Variants in CORO2A observed in about 807,000 individuals in gnomAD.
CORO2A encodes the protein coronin 2A.
CORO2A carries 47 observed loss-of-function variants against 62.4 expected under a neutral mutation model. That is an observed-to-expected ratio of 0.75 (90% CI 0.60 to 0.96). The LOEUF (loss-of-function observed/expected upper bound fraction) is 0.96. Ranked by LOEUF, CORO2A falls within the 40% of genes least tolerant of loss-of-function variation. CORO2A has a pLI of 0.00. For missense variants in CORO2A, 610 were observed against 684.1 expected (o/e 0.89, Z 1.21); for synonymous variants, 273 against 268.9 (o/e 1.02, Z -0.15).
intron 4 of CORO2A, 109 bp from the exon 5 acceptor site, chr9:98,133,326 G>A (rs1258529226): frequency 1.3e-5 from 14 of 1,084,074 alleles, no homozygotes; most frequent in East Asian, 7.5e-5. Flanking sequence ...GGAGGGTGGC[G>A]CAGCTGGCAG....
intron 1 of CORO2A, among the ~76,000 whole-genome samples, chr9:98,190,629 C>A (rs537059614): frequency 6.6e-6 from 1 of 152,242 alleles, no homozygotes; most frequent in South Asian, 2.1e-4. Context: ...CTCAGACATT[C>A]CATGATTCCA....
intron 1 of CORO2A, among the ~76,000 whole-genome samples, chr9:98,168,028 G>A (rs1386662941): frequency 6.6e-6 from 1 of 152,228 alleles, no homozygotes; most frequent in Non-Finnish European, 1.5e-5. Context: ...CCAGGCCCCG[G>A]AGCTTGACTG....
At chr9:98,137,894 G>A (rs1025752993) in intron 2 of CORO2A, among the ~76,000 whole-genome samples, 2 of 152,196 alleles carry the variant, frequency 1.3e-5, no homozygotes, top group African/African-American at 4.8e-5. Flanking sequence ...CAGTAAAAGG[G>A]AGCAATCACA....
intron 4 of CORO2A, among the ~76,000 whole-genome samples, chr9:98,134,598 G>A (rs1284799043): frequency 6.6e-6 from 1 of 152,172 alleles, no homozygotes; most frequent in Non-Finnish European, 1.5e-5. Flanking sequence ...CTGGAGTGAC[G>A]CAGCTATAGC....
chr9:98,123,037 G>C lies in CORO2A; in HGVS notation c.*1737C>G, dbSNP rs189562304. On this transcript the variant is annotated 3_prime_UTR_variant, in exon 12 of 12. Coordinates refer to ENST00000375077, the MANE Select transcript of CORO2A (RefSeq NM_052820.4). ...CACAGGTAGTTTTCTCTTAGGTCAA[G>C]GTTTCAGGTGGCAGATCCTGCAGAG... 7.9e-5 allele frequency: 12 copies of C among 152,406 alleles called. No individual in the cohort carries two copies. Among genetic ancestry groups the C allele is most frequent in the African/African-American group, 2.4e-4 (10 of 41,584 alleles). The allele number at this position is 152,406 out of a possible 1,614,324, so 9.4% of individuals were successfully genotyped here. A position where few individuals can be genotyped will look rare whatever the true frequency, so the allele number is the denominator to read the frequency against.
intron 10 of CORO2A, among the ~76,000 whole-genome samples, chr9:98,127,495 C>T (rs1827341325): frequency 6.6e-6 from 1 of 152,098 alleles, no homozygotes; most frequent in Non-Finnish European, 1.5e-5. Flanking sequence ...GGGTTGCTGC[C>T]TGGAGGGCTT....
intron 1 of CORO2A, among the ~76,000 whole-genome samples, chr9:98,168,042 G>C (rs1359005988): frequency 6.6e-6 from 1 of 152,228 alleles, no homozygotes; most frequent in African/African-American, 2.4e-5. Context: ...TTGACTGTCA[G>C]GGGTCTAATC....
At chr9:98,166,135 T>A (rs1372088165) in intron 1 of CORO2A, among the ~76,000 whole-genome samples, 2 of 152,212 alleles carry the variant, frequency 1.3e-5, no homozygotes, top group East Asian at 3.9e-4. Flanking sequence ...GAGAAACATG[T>A]TAACAGCCAC....
chr9:98,151,667 AT>A (rs1478548978), intron 2 of CORO2A, among the ~76,000 whole-genome samples: 1 of 151,398 alleles, frequency 6.6e-6, no homozygotes, highest in African/African-American at 2.4e-5. Flanking sequence ...TTCTTTCGCT[AT>A]TTTTCTTTTT....
At chr9:98,181,734 C>A (rs939084960) in intron 1 of CORO2A, among the ~76,000 whole-genome samples, 1 of 152,098 alleles carries the variant, frequency 6.6e-6, no homozygotes, top group Non-Finnish European at 1.5e-5. Context: ...CCTGCTCAGT[C>A]CCTACTCATC....
chr9:98,144,389 A>C (rs1169939366), intron 2 of CORO2A, among the ~76,000 whole-genome samples: 1 of 152,110 alleles, frequency 6.6e-6, no homozygotes, highest in African/African-American at 2.4e-5. Context: ...AGGACAGCAG[A>C]GCCAGGATTG....
chr9:98,179,050 T>C (rs1828144558), intron 1 of CORO2A, among the ~76,000 whole-genome samples: 1 of 152,214 alleles, frequency 6.6e-6, no homozygotes, highest in Non-Finnish European at 1.5e-5. Flanking sequence ...TTTACTTTAC[T>C]GGTCCTTTTA....
At chr9:98,179,679 G>C (rs957244851) in intron 1 of CORO2A, among the ~76,000 whole-genome samples, 1 of 152,090 alleles carries the variant, frequency 6.6e-6, no homozygotes, top group Non-Finnish European at 1.5e-5. Context: ...TCGGCCGGGC[G>C]CAGACACTCA....
At chr9:98,132,638 G>A (rs561060980) in intron 5 of CORO2A, among the ~76,000 whole-genome samples, 4 of 152,214 alleles carry the variant, frequency 2.6e-5, no homozygotes, top group South Asian at 2.1e-4. Context: ...GGAGAGGAAG[G>A]ACTAACAGCC....
At chr9:98,163,641 T>C (rs1315082454) in intron 1 of CORO2A, among the ~76,000 whole-genome samples, 1 of 151,972 alleles carries the variant, frequency 6.6e-6, no homozygotes, top group East Asian at 1.9e-4. Flanking sequence ...AGGTGGGAAG[T>C]AGTCTGAGGA....
At chr9:98,167,497 T>C (rs535265614) in intron 1 of CORO2A, among the ~76,000 whole-genome samples, 78 of 152,236 alleles carry the variant, frequency 5.1e-4, no homozygotes, top group Non-Finnish European at 7.1e-4. Flanking sequence ...GAAATATACA[T>C]ATATTTTTTA....
intron 2 of CORO2A, among the ~76,000 whole-genome samples, chr9:98,144,203 A>T (rs1397280763): frequency 6.6e-6 from 1 of 152,164 alleles, no homozygotes; most frequent in East Asian, 1.9e-4. Context: ...AAAAAAAAAA[A>T]AAAAGCTTTT....
At chr9:98,148,467 G>A (rs1325356448) in intron 2 of CORO2A, among the ~76,000 whole-genome samples, 2 of 151,322 alleles carry the variant, frequency 1.3e-5, no homozygotes, top group Admixed American at 6.6e-5. Flanking sequence ...CATAATTGAG[G>A]CCAGGTGCAG....
intron 2 of CORO2A, among the ~76,000 whole-genome samples, chr9:98,149,449 G>T (rs1827693588): frequency 6.6e-6 from 1 of 152,176 alleles, no homozygotes; most frequent in Admixed American, 6.5e-5. Context: ...GTGAGGCTGA[G>T]TATTTACAAA....
Sources: gnomAD v4.1 joint callset for allele counts (sites outside exome capture counted in the v4.1 genomes callset) on GRCh38, gnomAD v4.1.1 for gene constraint, MANE v1.5 for transcripts, NCBI Gene and HGNC (gene_info 2026-07-23, HGNC 2026-07-21) for gene names.